The following SUDS3 variants were observed in gnomAD, a reference collection of about 807,000 sequenced individuals.
SUDS3 encodes the protein sin3 histone deacetylase corepressor complex component SDS3.
In SUDS3, 23 loss-of-function variants were observed where a neutral mutation model predicts 53.5. The observed-to-expected ratio is 0.43, with a 90% CI of 0.31 to 0.61. SUDS3 has a LOEUF of 0.61. Among genes scored for constraint, SUDS3 ranks in the 20% least tolerant of loss-of-function variants. The probability of loss-of-function intolerance (pLI) is 0.10; values close to 1 mark genes in which losing one functional copy is unlikely to be tolerated. For synonymous variants in SUDS3, 150 were observed against 148.5 expected (o/e 1.01, Z -0.08); for missense variants, 291 against 405.9 (o/e 0.72, Z 2.43).
At chr12:118,377,197 A>G (rs2141355762) in intron 1 of SUDS3, among the ~76,000 whole-genome samples, 1 of 152,138 alleles carries the variant, frequency 6.6e-6, no homozygotes, top group East Asian at 1.9e-4. Context: ...GTGTGAGAGC[A>G]TCAGAGTCCA....
intron 6 of SUDS3, among the ~76,000 whole-genome samples, chr12:118,392,587 G>C (rs905024582): frequency 5.9e-5 from 9 of 152,204 alleles, no homozygotes; most frequent in African/African-American, 1.9e-4. Flanking sequence ...GTATAGTCTT[G>C]TTCTTGTGAA....
intron 11 of SUDS3, 136 bp downstream of exon 11, chr12:118,411,293 C>T: frequency 1.3e-6 from 1 of 744,198 alleles, no homozygotes. Context: ...ATTCTAAAGT[C>T]AGGCAGAAAT....
At chr12:118,409,936 C>G (rs750049588) in intron 10 of SUDS3, among the ~76,000 whole-genome samples, 1 of 152,244 alleles carries the variant, frequency 6.6e-6, no homozygotes, top group Non-Finnish European at 1.5e-5. Flanking sequence ...TGGCCCTACA[C>G]TACAGGTTGA....
chr12:118,386,601 T>C (rs1458735770), intron 4 of SUDS3, among the ~76,000 whole-genome samples: 1 of 152,200 alleles, frequency 6.6e-6, no homozygotes, highest in Admixed American at 6.5e-5. Flanking sequence ...TCTTGTTATT[T>C]TCCCCAAGTA....
chr12:118,398,550 A>C (rs957678286), intron 6 of SUDS3, among the ~76,000 whole-genome samples: 1 of 147,140 alleles, frequency 6.8e-6, no homozygotes, highest in African/African-American at 2.5e-5. Context: ...TTTTACCTCT[A>C]TTCCATTCAT....
chr12:118,384,182 C>A, intron 3 of SUDS3, 115 bp downstream of exon 3: 1 of 1,029,512 alleles, frequency 9.7e-7, no homozygotes, highest in East Asian at 2.6e-5. Flanking sequence ...TCTGGCTGAT[C>A]TTAGCTATCC....
At chr12:118,392,908 A>T (rs1052014702) in intron 6 of SUDS3, among the ~76,000 whole-genome samples, 1 of 152,232 alleles carries the variant, frequency 6.6e-6, no homozygotes, top group Non-Finnish European at 1.5e-5. Context: ...CAGAATCTTA[A>T]CTGGGACAGG....
chr12:118,392,465 A>G (rs1478939046), intron 6 of SUDS3, among the ~76,000 whole-genome samples: 4 of 152,178 alleles, frequency 2.6e-5, no homozygotes, highest in Non-Finnish European at 5.9e-5. Flanking sequence ...TAGCTTCCTC[A>G]TAGAGAGAGT....
chr12:118,405,902 T>C (rs1473230776), intron 10 of SUDS3, among the ~76,000 whole-genome samples: 1 of 152,186 alleles, frequency 6.6e-6, no homozygotes, highest in African/African-American at 2.4e-5. Flanking sequence ...CCAGAGGGTA[T>C]GGAGTATTTT....
intron 10 of SUDS3, among the ~76,000 whole-genome samples, chr12:118,409,502 G>A (rs1388570628): frequency 6.6e-6 from 1 of 151,942 alleles, no homozygotes; most frequent in African/African-American, 2.4e-5. Flanking sequence ...GGAAACCTGA[G>A]TTTTCAGTTC....
intron 3 of SUDS3, 93 bp downstream of exon 3, chr12:118,384,160 T>C: frequency 4.6e-6 from 6 of 1,298,626 alleles, no homozygotes; most frequent in Non-Finnish European, 6.6e-6. Context: ...GTGGGAGTTA[T>C]TTAAAACACG....
chr12:118,407,870 C>A (rs1239980976), intron 10 of SUDS3, among the ~76,000 whole-genome samples: 1 of 151,090 alleles, frequency 6.6e-6, no homozygotes, highest in East Asian at 2.0e-4. Flanking sequence ...AGGCACACGC[C>A]AATATGCCTG....
chr12:118,411,655 G>A (rs1593786699), intron 11 of SUDS3, among the ~76,000 whole-genome samples: 2 of 151,760 alleles, frequency 1.3e-5, no homozygotes, highest in African/African-American at 4.8e-5. Context: ...CCACCACCAC[G>A]CCCGGCTAAT....
chr12:118,413,779 G>A (rs1328361947), intron 11 of SUDS3, among the ~76,000 whole-genome samples: 2 of 152,148 alleles, frequency 1.3e-5, no homozygotes, highest in East Asian at 3.9e-4. Flanking sequence ...AAGGACTCTC[G>A]GAAGTGCTTC....
At chr12:118,384,759 G>A (rs1334509581) in intron 3 of SUDS3, among the ~76,000 whole-genome samples, 1 of 151,862 alleles carries the variant, frequency 6.6e-6, no homozygotes, top group Non-Finnish European at 1.5e-5. Context: ...CGTGAACCTG[G>A]AGGCGGAACT....
intron 9 of SUDS3, 167 bp downstream of exon 9, chr12:118,402,171 C>T (rs2046269061): frequency 1.6e-6 from 1 of 640,348 alleles, no homozygotes; most frequent in Non-Finnish European, 2.7e-6. Flanking sequence ...ATACCCCTCC[C>T]TGATTTCTTT....
chr12:118,381,033 A>G (rs975863244), intron 2 of SUDS3, among the ~76,000 whole-genome samples: 4 of 152,016 alleles, frequency 2.6e-5, no homozygotes. Flanking sequence ...TTAATGGGCA[A>G]ACCAATGCAC....
intron 1 of SUDS3, among the ~76,000 whole-genome samples, 183 bp from the exon 2 acceptor site, chr12:118,379,979 C>T (rs753549958): frequency 8.5e-5 from 13 of 152,146 alleles, no homozygotes; most frequent in Non-Finnish European, 1.6e-4. Flanking sequence ...CCACAGGTTT[C>T]GTGTTTGCAG....
chr12:118,397,489 A>C (rs1412795087), intron 6 of SUDS3, among the ~76,000 whole-genome samples: 4 of 152,174 alleles, frequency 2.6e-5, no homozygotes, highest in Non-Finnish European at 1.5e-5. Context: ...AGGTGACTTA[A>C]GTGGATAATC....
Sources: allele counts gnomAD v4.1 joint callset (sites outside exome capture counted in the v4.1 genomes callset), GRCh38; gene constraint gnomAD v4.1.1; transcripts MANE v1.5; gene names NCBI Gene and HGNC (gene_info 2026-07-23, HGNC 2026-07-21).